CABIN1: variants seen among roughly 807,000 people sequenced by gnomAD.
CABIN1 encodes calcineurin binding protein 1, also known as calcineurin-binding protein cabin-1.
In CABIN1, 133 loss-of-function variants were observed where a neutral mutation model predicts 227.7. That is an observed-to-expected ratio of 0.58 (90% CI 0.51 to 0.67). The LOEUF is 0.67. Among genes scored for constraint, CABIN1 ranks in the 30% least tolerant of loss-of-function variants. The pLI is 0.00. For synonymous variants in CABIN1, 1,086 were observed against 1,155.1 expected, an observed-to-expected ratio of 0.94 and a Z score of 1.21; for missense variants, 2,408 against 2,852.5, an observed-to-expected ratio of 0.84 and a Z score of 3.55.
At chr22:24,091,470 G>C (rs2041535973) in intron 23 of CABIN1, 113 bp from the exon 24 acceptor site, 19 of 1,297,416 alleles carry the variant, frequency 1.5e-5, no homozygotes, top group Non-Finnish European at 1.9e-5. Flanking sequence ...TGTCTTGGTT[G>C]TTAAGAGGAG....
chr22:24,085,295 C>A, intron 22 of CABIN1, 144 bp downstream of exon 22: 1 of 909,540 alleles, frequency 1.1e-6, no homozygotes, highest in Non-Finnish European at 1.8e-6. Context: ...GGTGGTTTAG[C>A]ACTTTGCTGT....
chr22:24,091,002 C>T (rs750249115), intron 23 of CABIN1, among the ~76,000 whole-genome samples: 1 of 152,210 alleles, frequency 6.6e-6, no homozygotes, highest in Non-Finnish European at 1.5e-5. Context: ...CTAGCTGTTT[C>T]CTTCCTTCAG....
At chr22:24,018,069 G>A (rs1569071200) in intron 1 of CABIN1, among the ~76,000 whole-genome samples, 1 of 151,980 alleles carries the variant, frequency 6.6e-6, no homozygotes, top group Non-Finnish European at 1.5e-5. Flanking sequence ...TGCCCAGGCT[G>A]GTTTTGAACT....
At chr22:24,055,279 C>T in intron 9 of CABIN1, 120 bp downstream of exon 9, 8 of 1,198,934 alleles carry the variant, frequency 6.7e-6, no homozygotes, top group Non-Finnish European at 9.2e-6. Context: ...GCTCATGACT[C>T]AAGTGGAAGT....
At chr22:24,074,137 T>C (rs1437984630) in intron 18 of CABIN1, among the ~76,000 whole-genome samples, 1 of 152,166 alleles carries the variant, frequency 6.6e-6, no homozygotes, top group Non-Finnish European at 1.5e-5. Flanking sequence ...CTAAAGTTTA[T>C]AACTATAAAA....
At chr22:24,119,309 A>G in intron 27 of CABIN1, 58 bp from the exon 28 acceptor site, 2 of 1,440,350 alleles carry the variant, frequency 1.4e-6, no homozygotes, top group South Asian at 1.1e-5. Context: ...GTGGTAGACC[A>G]CTGCATGGAC....
chr22:24,136,289 A>G (rs1046202054), intron 29 of CABIN1, among the ~76,000 whole-genome samples: 1 of 151,048 alleles, frequency 6.6e-6, no homozygotes, highest in Non-Finnish European at 1.5e-5. Flanking sequence ...TCTTTTTGAT[A>G]GCTACTGCAT....
intron 26 of CABIN1, among the ~76,000 whole-genome samples, chr22:24,103,990 A>G (rs919152780): frequency 6.6e-6 from 1 of 152,144 alleles, no homozygotes; most frequent in Non-Finnish European, 1.5e-5. Flanking sequence ...AGAGGCCTGC[A>G]GGCCCATTTA....
intron 29 of CABIN1, among the ~76,000 whole-genome samples, chr22:24,158,705 A>G (rs2045979743): frequency 6.6e-6 from 1 of 151,880 alleles, no homozygotes; most frequent in African/African-American, 2.4e-5. Context: ...CTTTCTTCAA[A>G]AACCCCCCAC....
In CABIN1 at chr22:24,085,071, G is replaced by A. The variant is rs759601532; in HGVS notation, c.3183G>A (p.Leu1061=). Residue 1061 remains leucine (L), a synonymous_variant, in exon 22 of 37, where the codon CTG becomes CTA. Transcript: ENST00000263119. ...TGGTGAACGAGCTTTACTACCTCCT[G>A]GCTGATTATCATTTCAAAAACAAGG... ...PPVVNELYYL[L]ADYHFKNKEQ... 2 of 1,614,166 alleles carry A rather than the reference G, an allele frequency of 1.2e-6. No individual in the cohort carries two copies. Among genetic ancestry groups the A allele is most frequent in the Admixed American group, 3.3e-5 (2 of 60,030 alleles).
intron 28 of CABIN1, among the ~76,000 whole-genome samples, chr22:24,124,172 C>T (rs993812655): frequency 2.6e-5 from 4 of 152,206 alleles, no homozygotes; most frequent in Non-Finnish European, 5.9e-5. Flanking sequence ...CTTCTTTCCT[C>T]GATGAGAATG....
chr22:24,088,899 A>T (rs558406106), intron 23 of CABIN1, among the ~76,000 whole-genome samples: 5 of 152,162 alleles, frequency 3.3e-5, no homozygotes, highest in Non-Finnish European at 7.4e-5. Flanking sequence ...GATCTAGTAC[A>T]TTCCTTTTAA....
At chr22:24,019,548 C>G (rs1292607789) in intron 1 of CABIN1, among the ~76,000 whole-genome samples, 1 of 151,936 alleles carries the variant, frequency 6.6e-6, no homozygotes, top group African/African-American at 2.4e-5. Context: ...AGCCACCATG[C>G]CCCGCCTGCT....
At chr22:24,058,598 T>G (rs1427459007) in intron 10 of CABIN1, among the ~76,000 whole-genome samples, 2 of 152,200 alleles carry the variant, frequency 1.3e-5, no homozygotes, top group Non-Finnish European at 2.9e-5. Context: ...ATGAGCTTGA[T>G]GTATCCCCCA....
chr22:24,013,847 C>T (rs534091132), intron 1 of CABIN1, among the ~76,000 whole-genome samples: 1 of 152,146 alleles, frequency 6.6e-6, no homozygotes, highest in East Asian at 1.9e-4. Context: ...TGTCTAACGT[C>T]TCTCAATTTA....
At chr22:24,163,403 A>G (rs2071192942) in intron 29 of CABIN1, among the ~76,000 whole-genome samples, 1 of 152,148 alleles carries the variant, frequency 6.6e-6, no homozygotes, top group South Asian at 2.1e-4. Flanking sequence ...TGAGAGGGGT[A>G]CCACCTAGAC....
intron 29 of CABIN1, among the ~76,000 whole-genome samples, chr22:24,144,096 G>T (rs1330437424): frequency 1.3e-5 from 2 of 152,240 alleles, no homozygotes; most frequent in Non-Finnish European, 2.9e-5. Flanking sequence ...TGAACAAGGT[G>T]CAGAAGCCTA....
chr22:24,030,809 T>C (rs1438525266), intron 1 of CABIN1, among the ~76,000 whole-genome samples: 3 of 152,062 alleles, frequency 2.0e-5, no homozygotes, highest in Admixed American at 1.3e-4. Context: ...CTGTTTTTTT[T>C]CTCCAACTTG....
rs34439629 is a variant in CABIN1, at chr22:24,014,420, AT to A, written c.-75+3066del. ...TTCTGTGGCCTATCAACTGGCCCTCATTTTTTTTTTTTTCCTTCAAGCACTT... is the reference window on the plus strand; with the variant it reads ...TTCTGTGGCCTATCAACTGGCCCTCATTTTTTTTTTTTCCTTCAAGCACTT... On this transcript the variant is annotated intron_variant, in intron 1 of 36. Transcript: ENST00000263119. Among the ~76,000 whole-genome samples, 758 of 144,202 alleles carry A rather than the reference AT, an allele frequency of 5.3e-3. 5 individuals carry two copies. The highest frequency in any genetic ancestry group is 0.011 in the Middle Eastern group (3 of 282). The allele number at this position is 144,202 out of a possible 152,430, so 94.6% of individuals were successfully genotyped here.
Sources: allele counts gnomAD v4.1 joint callset (sites outside exome capture counted in the v4.1 genomes callset), GRCh38; gene constraint gnomAD v4.1.1; transcripts MANE v1.5; gene names NCBI Gene and HGNC (gene_info 2026-07-23, HGNC 2026-07-21).